LRP1B: variants seen among roughly 807,000 people sequenced by gnomAD.
LRP1B encodes LDL receptor related protein 1B.
A neutral mutation model predicts 556.6 loss-of-function variants in LRP1B; 217 were observed. The ratio of observed to expected loss-of-function variants is 0.39; its 90% CI spans 0.35 to 0.44. The LOEUF (loss-of-function observed/expected upper bound fraction) is 0.44, where lower values mean the gene tolerates loss of function less well. Among genes scored for constraint, LRP1B ranks in the 20% least tolerant of loss-of-function variants. The pLI, the probability that LRP1B is intolerant of heterozygous loss-of-function variation, is 1.00. For missense variants in LRP1B, 5,053 were observed against 5,620.8 expected, an observed-to-expected ratio of 0.90 and a Z score of 3.23; for synonymous variants, 2,047 against 1,865.8, an observed-to-expected ratio of 1.10 and a Z score of -2.50.
At chr2:141,589,208 TTAAAAAAAGA>T (rs1376445572) in intron 2 of LRP1B, among the ~76,000 whole-genome samples, 1 of 152,130 alleles carries the variant, frequency 6.6e-6, no homozygotes, top group African/African-American at 2.4e-5. Context: ...AAACCTCTCT[TTAAAAAAAGA>T]GATGAGCGTT....
intron 7 of LRP1B, among the ~76,000 whole-genome samples, chr2:141,168,157 T>C (rs554307533): frequency 6.6e-6 from 1 of 152,136 alleles, no homozygotes; most frequent in Non-Finnish European, 1.5e-5. Context: ...ATTTTATCCA[T>C]AAAGTCAAGT....
Position 141,254,640 on chromosome 2 carries a change from T to C in LRP1B, c.345A>G (p.Glu115=), listed in dbSNP as rs758533221. ...DGYDEGVHCQ[E]LLSNCQQLNC... ...TCAGCTGTTGGCAATTGGATAACAG[T>C]TCTGTAGAGAAAAAACAAATATATT... The change falls in exon 4 of 91, where the codon GAA becomes GAG. Residue 115 remains glutamate (E), a splice_region_variant and synonymous_variant. Coordinates refer to ENST00000389484, the MANE Select transcript of LRP1B (RefSeq NM_018557.3). The C allele has an allele frequency of 6.2e-7, 1 of 1,605,690 alleles. No individual in the cohort carries two copies. Among genetic ancestry groups the C allele is most frequent in the Non-Finnish European group, 8.5e-7 (1 of 1,174,078 alleles).
intron 51 of LRP1B, among the ~76,000 whole-genome samples, chr2:140,513,496 C>CTT (rs5834753): frequency 6.6e-6 from 1 of 151,740 alleles, no homozygotes; most frequent in Non-Finnish European, 1.5e-5. Context: ...TGATTACTGA[C>CTT]TTTTTTTCTT....
intron 7 of LRP1B, among the ~76,000 whole-genome samples, chr2:141,159,442 G>A: frequency 6.6e-6 from 1 of 152,044 alleles, no homozygotes; most frequent in Non-Finnish European, 1.5e-5. Flanking sequence ...ATGTTGCCCA[G>A]GCTGGACGTG....
At chr2:140,605,521 CTTTTCTT>C (rs888560041) in intron 41 of LRP1B, among the ~76,000 whole-genome samples, 48 of 151,318 alleles carry the variant, frequency 3.2e-4, no homozygotes, top group Non-Finnish European at 2.8e-4. Flanking sequence ...TTTTATTTTC[CTTTTCTT>C]TTTTCTTTTC....
In LRP1B at chr2:140,742,739, T is replaced by C. The variant is rs976853720; in HGVS notation, c.5759-25923A>G. 2.6e-5 allele frequency among the ~76,000 whole-genome samples: 4 copies of C among 152,192 alleles called. No homozygotes were observed. The East Asian group carries it at 7.7e-4, about 29-fold the overall frequency. On this transcript the variant is annotated intron_variant, in intron 35 of 90. Transcript: ENST00000389484. ...AGGTGCGAGCTCTATGAATGATTTT[T>C]GCCACTGGCAGTATTAGAGTAATGC...
intron 31 of LRP1B, among the ~76,000 whole-genome samples, chr2:140,838,716 G>A (rs1334737558): frequency 6.6e-6 from 1 of 151,894 alleles, no homozygotes; most frequent in Non-Finnish European, 1.5e-5. Flanking sequence ...CCCATCATTT[G>A]CATCTTTATG....
At chr2:141,481,599 G>A (rs1682920243) in intron 2 of LRP1B, among the ~76,000 whole-genome samples, 1 of 152,172 alleles carries the variant, frequency 6.6e-6, no homozygotes, top group South Asian at 2.1e-4. Context: ...ACCTCGTAGG[G>A]TTGTTGTGAA....
Position 140,883,969 on chromosome 2 carries a change from G to A in LRP1B, c.4017C>T (p.Gly1339=), listed in dbSNP as rs2105187509. 1 of 1,613,262 alleles carries A rather than the reference G, an allele frequency of 6.2e-7. No homozygotes were observed. Among genetic ancestry groups the A allele is most frequent in the Non-Finnish European group, 8.5e-7 (1 of 1,179,920 alleles). The change falls in exon 25 of 91, where the codon GGC becomes GGT. Residue 1339 remains glycine, a synonymous_variant. Transcript: ENST00000389484. ...TTCCTGCTATCCAGTCGACTGTCAGGCCTTCTGGAGTAGCCAGGCCATGCT... is the reference window on the plus strand; with the variant it reads ...TTCCTGCTATCCAGTCGACTGTCAGACCTTCTGGAGTAGCCAGGCCATGCT... ...VVEHGLATPE[G]LTVDWIAGNI... is the part of the protein sequence containing the mutation.
At chr2:140,297,508 A>C (rs1222341273) in intron 84 of LRP1B, among the ~76,000 whole-genome samples, 1 of 152,100 alleles carries the variant, frequency 6.6e-6, no homozygotes, top group Non-Finnish European at 1.5e-5. Context: ...AATTGGATTT[A>C]ACTATGGTTA....
At chr2:141,755,838 T>G (rs528591711) in intron 2 of LRP1B, among the ~76,000 whole-genome samples, 1 of 152,142 alleles carries the variant, frequency 6.6e-6, no homozygotes. Context: ...GAAGTGTAGA[T>G]TTATATATTT....
intron 23 of LRP1B, among the ~76,000 whole-genome samples, chr2:140,889,558 A>C (rs1199471557): frequency 6.6e-6 from 1 of 152,154 alleles, no homozygotes; most frequent in Non-Finnish European, 1.5e-5. Context: ...TGGCCTCCTA[A>C]AGTGCTGGGA....
At chr2:140,521,975 G>A (rs971194719) in intron 49 of LRP1B, among the ~76,000 whole-genome samples, 1 of 151,944 alleles carries the variant, frequency 6.6e-6, no homozygotes, top group Non-Finnish European at 1.5e-5. Context: ...AAAACAACTT[G>A]ATAGCCACAA....
At chr2:140,483,798 G>A (rs1688354652) in intron 59 of LRP1B, among the ~76,000 whole-genome samples, 1 of 151,186 alleles carries the variant, frequency 6.6e-6, no homozygotes, top group Admixed American at 6.6e-5. Flanking sequence ...GCGCCACCAC[G>A]CCTGGCTAAT....
intron 83 of LRP1B, among the ~76,000 whole-genome samples, chr2:140,311,008 T>TA (rs1684273192): frequency 6.6e-6 from 1 of 151,804 alleles, no homozygotes; most frequent in Admixed American, 6.6e-5. Flanking sequence ...GAATGGCTAC[T>TA]ATTAAAAAGC....
intron 2 of LRP1B, among the ~76,000 whole-genome samples, chr2:141,519,360 GATATATATATATATATATATAT>G (rs60473210): frequency 1.5e-5 from 1 of 68,302 alleles, no homozygotes; most frequent in African/African-American, 5.7e-5. Context: ...TTAAGTCAAT[GATATATATATATATATATATAT>G]ATATATATAT....
intron 1 of LRP1B, among the ~76,000 whole-genome samples, chr2:141,905,421 T>A (rs1014303555): frequency 6.6e-6 from 1 of 151,822 alleles, no homozygotes; most frequent in Non-Finnish European, 1.5e-5. Flanking sequence ...TCTGTGATGA[T>A]AAATTTTGAA....
At chr2:140,448,553 A>G (rs933715799) in intron 63 of LRP1B, among the ~76,000 whole-genome samples, 13 of 152,214 alleles carry the variant, frequency 8.5e-5, no homozygotes, top group Admixed American at 2.6e-4. Flanking sequence ...ACTCTAAGAA[A>G]GTCAAACTCA....
At chr2:141,841,763 G>A (rs189087003) in intron 1 of LRP1B, among the ~76,000 whole-genome samples, 30 of 152,206 alleles carry the variant, frequency 2.0e-4, no homozygotes, top group African/African-American at 6.0e-4. Flanking sequence ...AACAATATGG[G>A]TTATTGACAG....
Sources: gnomAD v4.1 joint callset for allele counts (sites outside exome capture counted in the v4.1 genomes callset) on GRCh38, gnomAD v4.1.1 for gene constraint, MANE v1.5 for transcripts, NCBI Gene and HGNC (gene_info 2026-07-23, HGNC 2026-07-21) for gene names.